Variants in C16orf96 observed in about 807,000 individuals in gnomAD.
C16orf96 encodes the protein uncharacterized protein C16orf96.
Under a neutral mutation model 103.6 loss-of-function variants are expected in C16orf96, and 108 were observed. The ratio of observed to expected loss-of-function variants is 1.04; its 90% CI spans 0.89 to 1.22. The LOEUF (loss-of-function observed/expected upper bound fraction) is 1.22. C16orf96 is among the 50% of genes most tolerant of loss of function. The pLI is 0.00. For missense variants in C16orf96, 1,586 were observed against 1,464.2 expected (o/e 1.08, Z -1.36); for synonymous variants, 566 against 593.5 (o/e 0.95, Z 0.67).
chr16:4,598,470 TA>T (rs1897219772), intron 14 of C16orf96, among the ~76,000 whole-genome samples: 1 of 152,160 alleles, frequency 6.6e-6, no homozygotes, highest in African/African-American at 2.4e-5. Context: ...AGTGACTGCT[TA>T]ATGGGGACAG....
chr16:4,574,878 G>T (rs531755391), intron 3 of C16orf96, 89 bp downstream of exon 3: 1 of 1,523,426 alleles, frequency 6.6e-7, no homozygotes, highest in African/African-American at 1.4e-5. Flanking sequence ...GAGGTGCAAG[G>T]AGGAGAACAC....
chr16:4,556,958 T>C (rs1368612819), intron 1 of C16orf96, 49 bp downstream of exon 1: 1 of 1,487,828 alleles, frequency 6.7e-7, no homozygotes, highest in East Asian at 2.5e-5. Context: ...CACCACTGGC[T>C]CTCTCCTGGG....
intron 1 of C16orf96, among the ~76,000 whole-genome samples, chr16:4,567,450 A>G (rs950943277): frequency 1.4e-5 from 2 of 148,112 alleles, no homozygotes; most frequent in African/African-American, 5.0e-5. Flanking sequence ...CGCCCGGCTA[A>G]TTTTTTTTTG....
the C16orf96 span, among the ~76,000 whole-genome samples, chr16:4,546,457 CTTTTTTTT>C: frequency 9.6e-6 from 1 of 104,548 alleles, no homozygotes; most frequent in East Asian, 2.9e-4. Context: ...CGCGCCCGGA[CTTTTTTTT>C]TTTTTTTTTT....
At chr16:4,546,761 C>T in the C16orf96 span, among the ~76,000 whole-genome samples, 3 of 152,090 alleles carry the variant, frequency 2.0e-5, no homozygotes, top group East Asian at 1.9e-4. Context: ...TAAGCCACCA[C>T]ACCCAACAGC....
intron 14 of C16orf96, among the ~76,000 whole-genome samples, chr16:4,598,484 C>A (rs924546547): frequency 3.3e-5 from 5 of 152,068 alleles, no homozygotes; most frequent in African/African-American, 1.2e-4. Flanking sequence ...GGGGACAGGG[C>A]CCCTTTTGGG....
upstream of C16orf96, among the ~76,000 whole-genome samples, chr16:4,554,458 C>A (rs2059245173): frequency 6.6e-6 from 1 of 151,574 alleles, no homozygotes; most frequent in African/African-American, 2.4e-5. Context: ...TCAAACGATT[C>A]TTCTGCCTCA....
intron 2 of C16orf96, among the ~76,000 whole-genome samples, chr16:4,572,840 C>T (rs1276785662): frequency 2.0e-5 from 3 of 152,172 alleles, no homozygotes; most frequent in African/African-American, 7.2e-5. Context: ...TTCTAACACC[C>T]TACCATGCAT....
chr16:4,576,327 C>G lies in C16orf96; in HGVS notation c.1847C>G (p.Pro616Arg). ...AIATDTAAAG[P>R]LGVFADVLGA... ...GCAACAGACACGGCTGCAGCTGGGC[C>G]CCTAGGGGTCTTTGCAGATGTCCTG... is the stretch of plus-strand genomic sequence containing the variant. Residue 616 changes from proline (P) to arginine (R), a missense_variant, in exon 5 of 16, where the codon CCC becomes CGC. Pro to Arg is a moderately radical substitution (Grantham distance 103). Coordinates refer to ENST00000444310, the MANE Select transcript of C16orf96 (RefSeq NM_001145011.2). 1 of 1,550,752 alleles carries G rather than the reference C, an allele frequency of 6.4e-7. No individual in the cohort carries two copies. The highest frequency in any genetic ancestry group is 8.7e-7 in the Non-Finnish European group (1 of 1,146,992).
At position 4,600,100 on chromosome 16, in the gene C16orf96, C is replaced by T. The variant is rs369591622; in HGVS notation, c.3209C>T (p.Pro1070Leu). The T allele has an allele frequency of 6.4e-7, 1 of 1,551,198 alleles. No individual in the cohort carries two copies. Reference sequence around the variant, plus strand: ...TAGGGTTTCTCCTGCCCCTCCCCAGCCCTGTGCCCCCGCTCCAGTGCCTGC... The same window carrying T: ...TAGGGTTTCTCCTGCCCCTCCCCAGTCCTGTGCCCCCGCTCCAGTGCCTGC... ...SSALFGAICPPLCPRSSACSA... is the reference protein window; with the variant it reads ...SSALFGAICPLLCPRSSACSA... Residue 1070 changes from proline to leucine, a missense_variant and splice_region_variant, in exon 16 of 16, where the codon CCC (proline) becomes CTC (leucine). Transcript: ENST00000444310.
intron 7 of C16orf96, among the ~76,000 whole-genome samples, chr16:4,583,855 G>A (rs1896849685): frequency 6.7e-6 from 1 of 150,076 alleles, no homozygotes; most frequent in Non-Finnish European, 1.5e-5. Flanking sequence ...AGCTCAGGAG[G>A]CGGAGGCTGC....
chr16:4,574,859 G>A, intron 3 of C16orf96, 70 bp downstream of exon 3: 1 of 1,526,254 alleles, frequency 6.6e-7, no homozygotes, highest in South Asian at 1.2e-5. Context: ...CCTGGGTGCT[G>A]AGGGTAGGGA....
intron 5 of C16orf96, 57 bp downstream of exon 5, chr16:4,576,692 T>C: frequency 1.4e-5 from 20 of 1,459,262 alleles, no homozygotes; most frequent in Non-Finnish European, 1.7e-5. Context: ...CCCTGCAGCC[T>C]TTGAGAAGTG....
rs559523717 is a variant in C16orf96 at position 4,592,461 on chromosome 16, C to G, written c.2774+94C>G. 4 of 1,386,452 alleles carry G rather than the reference C, an allele frequency of 2.9e-6. No homozygotes were observed. The South Asian group carries it at 5.0e-5, about 17-fold the overall frequency. The allele number at this position is 1,386,452 out of a possible 1,614,324, so 85.9% of individuals were successfully genotyped here. A position where few individuals can be genotyped will look rare whatever the true frequency, so the allele number is the denominator to read the frequency against. ...ACCTCCATGTGCACCGTTCCATGCA[C>G]GCTGTGTGTCTACACATCCATATAC... On this transcript the variant is annotated intron_variant, in intron 11 of 15. Transcript: ENST00000444310.
At chr16:4,590,582 A>T (rs937643208) in intron 9 of C16orf96, among the ~76,000 whole-genome samples, 1 of 146,662 alleles carries the variant, frequency 6.8e-6, no homozygotes, top group Non-Finnish European at 1.5e-5. Flanking sequence ...ATAAATAAAT[A>T]AAATAAAAGT....
At chr16:4,594,598 AC>A in intron 13 of C16orf96, 88 bp downstream of exon 13, 1 of 1,535,664 alleles carries the variant, frequency 6.5e-7, no homozygotes, top group Non-Finnish European at 8.8e-7. Flanking sequence ...GCAGTGGGCA[AC>A]CCCAGCAGAG....
rs1244240775 is a variant in C16orf96 at position 4,578,986 on chromosome 16, G to A, written c.2202G>A (p.Leu734=). Residue 734 remains leucine, a synonymous_variant, in exon 6 of 16, where the codon TTG becomes TTA. Coordinates refer to ENST00000444310, the MANE Select transcript of C16orf96 (RefSeq NM_001145011.2). The part of the protein sequence containing the change: ...PSSLGTTVDI[L]QKKIGSLQKS... ...GCCTCGGGACAACAGTGGACATATT[G>A]CAGAAAAAGATTGGCAGCCTCCAGA... 1 of 1,551,460 alleles carries A rather than the reference G, an allele frequency of 6.4e-7. No homozygotes were observed.
intron 12 of C16orf96, 33 bp from the exon 13 acceptor site, chr16:4,594,318 C>T (rs562259393): frequency 1.3e-6 from 2 of 1,546,574 alleles, no homozygotes; most frequent in African/African-American, 1.4e-5. Context: ...TACAGGGTCT[C>T]CAGGTCGCTG....
chr16:4,599,191 C>A, intron 14 of C16orf96, 93 bp from the exon 15 acceptor site: 2 of 1,098,940 alleles, frequency 1.8e-6, no homozygotes, highest in Non-Finnish European at 2.7e-6. Context: ...GGGGTTGGTC[C>A]CACCAGAGGG....
Sources: gnomAD v4.1 joint callset for allele counts (sites outside exome capture counted in the v4.1 genomes callset) on GRCh38, gnomAD v4.1.1 for gene constraint, MANE v1.5 for transcripts, NCBI Gene and HGNC (gene_info 2026-07-23, HGNC 2026-07-21) for gene names.